KCNJ16: variants seen among roughly 807,000 people sequenced by gnomAD.
The protein encoded by KCNJ16 is inward rectifier potassium channel 16.
KCNJ16 carries 15 observed loss-of-function variants against 18.5 expected under a neutral mutation model. That is an observed-to-expected ratio of 0.81 (90% CI 0.54 to 1.25). The LOEUF (loss-of-function observed/expected upper bound fraction) is 1.25. Ranked by LOEUF, KCNJ16 falls within the 50% of genes most tolerant of loss-of-function variation. The pLI, the probability that KCNJ16 is intolerant of heterozygous loss-of-function variation, is 0.00. For missense variants in KCNJ16, 523 were observed against 525.7 expected, an observed-to-expected ratio of 0.99 and a Z score of 0.05; for synonymous variants, 174 against 186.5, an observed-to-expected ratio of 0.93 and a Z score of 0.55.
chr17:70,104,065 C>T (rs2072799125), intron 2 of KCNJ16, among the ~76,000 whole-genome samples: 1 of 151,442 alleles, frequency 6.6e-6, no homozygotes, highest in African/African-American at 2.4e-5. Flanking sequence ...GCATCCCAGG[C>T]GATCCTCCTA....
At chr17:70,099,482 T>A (rs724825) in intron 1 of KCNJ16, among the ~76,000 whole-genome samples, 6 of 151,714 alleles carry the variant, frequency 4.0e-5, no homozygotes, top group Admixed American at 2.0e-4. Flanking sequence ...GGGTAAGGTC[T>A]AGTCATCATA....
intron 1 of KCNJ16, among the ~76,000 whole-genome samples, chr17:70,081,660 G>A (rs1031546959): frequency 2.0e-5 from 3 of 152,108 alleles, no homozygotes; most frequent in Non-Finnish European, 4.4e-5. Flanking sequence ...ACTGTTTCTC[G>A]AGTTGTGTAT....
At chr17:70,103,321 T>TATAC (rs1355893521) in intron 2 of KCNJ16, among the ~76,000 whole-genome samples, 45 of 44,484 alleles carry the variant, frequency 1.0e-3, no homozygotes, top group African/African-American at 3.0e-3. Context: ...TATATATATA[T>TATAC]ACACACACAT....
At chr17:70,117,846 C>A (rs1028135394) in intron 2 of KCNJ16, among the ~76,000 whole-genome samples, 13 of 152,068 alleles carry the variant, frequency 8.5e-5, no homozygotes, top group Non-Finnish European at 1.6e-4. Flanking sequence ...ACAATCTAAT[C>A]AACAAAAAAG....
At chr17:70,103,000 C>T (rs573435690) in intron 2 of KCNJ16, among the ~76,000 whole-genome samples, 5 of 150,948 alleles carry the variant, frequency 3.3e-5, no homozygotes, top group Non-Finnish European at 5.9e-5. Context: ...AGTGGCATGA[C>T]CAGGGCTCAC....
chr17:70,123,814 C>T (rs1051049080), intron 2 of KCNJ16, among the ~76,000 whole-genome samples: 5 of 152,200 alleles, frequency 3.3e-5, no homozygotes, highest in Admixed American at 2.6e-4. Flanking sequence ...ACTGTAACCA[C>T]GGTAGCAGAA....
At chr17:70,101,237 C>A (rs2072604800) in intron 2 of KCNJ16, 1 of 152,104 alleles carries the variant, frequency 6.6e-6, no homozygotes, top group Non-Finnish European at 1.5e-5. Flanking sequence ...TGCTGTTAAA[C>A]TAAATGCCAT....
At chr17:70,084,967 T>G (rs1024480225) in intron 1 of KCNJ16, among the ~76,000 whole-genome samples, 1 of 152,220 alleles carries the variant, frequency 6.6e-6, no homozygotes, top group African/African-American at 2.4e-5. Flanking sequence ...CGCTTTCATC[T>G]TAATCTTCTG....
chr17:70,120,749 T>C (rs538518975), intron 2 of KCNJ16, among the ~76,000 whole-genome samples: 3 of 152,328 alleles, frequency 2.0e-5, no homozygotes, highest in African/African-American at 7.2e-5. Flanking sequence ...TCTGTCTGCA[T>C]GATCCAAACC....
At chr17:70,089,010 C>T (rs368851120) in intron 1 of KCNJ16, among the ~76,000 whole-genome samples, 34 of 152,234 alleles carry the variant, frequency 2.2e-4, no homozygotes, top group African/African-American at 7.9e-4. Context: ...GGTTTTTAGT[C>T]TCGTTTCCAC....
intron 1 of KCNJ16, among the ~76,000 whole-genome samples, chr17:70,097,975 C>G (rs1049090766): frequency 6.6e-6 from 1 of 152,126 alleles, no homozygotes; most frequent in Non-Finnish European, 1.5e-5. Flanking sequence ...AGTGTTTTAT[C>G]TTTATGCTAA....
intron 2 of KCNJ16, among the ~76,000 whole-genome samples, chr17:70,103,286 A>ATGTGTGATATGTGTGTG (rs367701950): frequency 9.6e-6 from 1 of 103,814 alleles, no homozygotes; most frequent in Non-Finnish European, 1.9e-5. Context: ...ATATGCATAT[A>ATGTGTGATATGTGTGTG]TGTGTGTGTG....
chr17:70,131,226 A>T, intron 3 of KCNJ16: 1 of 776,770 alleles, frequency 1.3e-6, no homozygotes, highest in Non-Finnish European at 1.9e-6. Flanking sequence ...AAGAAAAGAA[A>T]AAAAAAAGGA....
At chr17:70,116,328 C>T (rs193256557) in intron 2 of KCNJ16, among the ~76,000 whole-genome samples, 159 of 152,092 alleles carry the variant, frequency 1.0e-3, no homozygotes, top group African/African-American at 3.6e-3. Flanking sequence ...ATGAAATCAA[C>T]CTCTCATTTA....
intron 1 of KCNJ16, among the ~76,000 whole-genome samples, chr17:70,085,200 C>A (rs578042402): frequency 7.9e-5 from 12 of 152,176 alleles, no homozygotes; most frequent in African/African-American, 1.9e-4. Context: ...TGGAGACACA[C>A]AATTTTCACC....
In KCNJ16 at chr17:70,132,536, T is replaced by C. The variant is rs1321166040; in HGVS notation, c.449T>C (p.Val150Ala). 6.2e-7 allele frequency: 1 copy of C among 1,614,206 alleles called. No homozygotes were observed. ...TEECSVAVLMVILQSILSCII... is the reference protein window; with the variant it reads ...TEECSVAVLMAILQSILSCII... ...GAATGTTCTGTGGCCGTGCTCATGG[T>C]GATCCTCCAGTCCATCTTAAGTTGC... Residue 150 changes from valine (V) to alanine (A), a missense_variant, in exon 4 of 4, where the codon GTG becomes GCG. Transcript: ENST00000392671.
intron 1 of KCNJ16, among the ~76,000 whole-genome samples, chr17:70,090,067 C>A (rs2072015407): frequency 6.6e-6 from 1 of 152,192 alleles, no homozygotes; most frequent in Non-Finnish European, 1.5e-5. Flanking sequence ...GCCTCCACCC[C>A]AGATTTAATC....
intron 1 of KCNJ16, 85 bp from the exon 2 acceptor site, chr17:70,100,573 C>G (rs1191557795): frequency 6.6e-6 from 1 of 152,108 alleles, no homozygotes; most frequent in Non-Finnish European, 1.5e-5. Flanking sequence ...TTATTTTTGC[C>G]TGGTACTGTT....
intron 2 of KCNJ16, among the ~76,000 whole-genome samples, chr17:70,108,909 C>A (rs993097273): frequency 6.6e-6 from 1 of 152,066 alleles, no homozygotes. Context: ...ATCCCTAGAG[C>A]TGAGGGCATT....
Sources: gnomAD v4.1 joint callset for allele counts (sites outside exome capture counted in the v4.1 genomes callset) on GRCh38, gnomAD v4.1.1 for gene constraint, MANE v1.5 for transcripts, NCBI Gene and HGNC (gene_info 2026-07-23, HGNC 2026-07-21) for gene names.